Variants in OPRM1 observed in about 807,000 individuals in gnomAD.
The protein encoded by OPRM1 is mu-type opioid receptor.
Under a neutral mutation model 31.8 loss-of-function variants are expected in OPRM1, and 27 were observed. That is an observed-to-expected ratio of 0.85 (90% CI 0.63 to 1.17). The LOEUF (loss-of-function observed/expected upper bound fraction) is 1.17, where lower values mean the gene tolerates loss of function less well. Among genes scored for constraint, OPRM1 ranks in the 50% most tolerant of loss-of-function variants. OPRM1 has a pLI of 0.00. For missense variants in OPRM1, 536 were observed against 511.1 expected, an observed-to-expected ratio of 1.05 and a Z score of -0.47; for synonymous variants, 196 against 189.9, an observed-to-expected ratio of 1.03 and a Z score of -0.26.
intron 1 of OPRM1, among the ~76,000 whole-genome samples, chr6:154,071,524 C>T (rs981332377): frequency 5.3e-5 from 8 of 151,788 alleles, no homozygotes; most frequent in Admixed American, 2.6e-4. Flanking sequence ...TGCTCACCAG[C>T]GAAAACCCCC....
At chr6:154,210,683 G>A (rs1777887822) in intron 3 of OPRM1, among the ~76,000 whole-genome samples, 1 of 152,022 alleles carries the variant, frequency 6.6e-6, no homozygotes, top group African/African-American at 2.4e-5. Flanking sequence ...AAAAGGAGAA[G>A]GATTACACTG....
intron 3 of OPRM1, chr6:154,107,423 G>A (rs1214811098): frequency 5.6e-6 from 4 of 717,880 alleles, no homozygotes; most frequent in South Asian, 1.5e-5. Flanking sequence ...GAGAATAGAC[G>A]TCTTCACTCA....
chr6:154,165,746 TGCAAAA>T (rs1799376876), intron 3 of OPRM1, among the ~76,000 whole-genome samples: 2 of 152,366 alleles, frequency 1.3e-5, no homozygotes, highest in Admixed American at 1.3e-4. Flanking sequence ...AATAGAATAC[TGCAAAA>T]GTAATGTGAT....
intron 1 of OPRM1, among the ~76,000 whole-genome samples, chr6:154,051,371 G>A (rs888383389): frequency 1.4e-4 from 22 of 152,244 alleles, no homozygotes; most frequent in African/African-American, 4.6e-4. Context: ...ATTCCATCTG[G>A]AAAGTAAAAT....
At chr6:154,198,385 T>C (rs1776793280) in intron 3 of OPRM1, among the ~76,000 whole-genome samples, 2 of 152,160 alleles carry the variant, frequency 1.3e-5, no homozygotes, top group South Asian at 4.1e-4. Flanking sequence ...TCCTTTCTCC[T>C]CCCTATGCTA....
chr6:154,175,020 A>T (rs1360461270), intron 3 of OPRM1, among the ~76,000 whole-genome samples: 1 of 152,182 alleles, frequency 6.6e-6, no homozygotes, highest in Admixed American at 6.5e-5. Flanking sequence ...TAAGAAACTC[A>T]CTCCAAACTG....
At position 154,079,766 on chromosome 6, in the gene OPRM1, G is replaced by A. The variant is rs146289064; in HGVS notation, c.291-10060G>A. Among the ~76,000 whole-genome samples the A allele has an allele frequency of 5.3e-4, 80 of 152,268 alleles. 2 individuals carry two copies. The East Asian group carries it at 0.014, about 26-fold the overall frequency. ...GCTCTGTTGCCCAGGCTGGAGTGCA[G>A]TGGCATGACCGTAGCTCACTGCAGC... On this transcript the variant is annotated intron_variant, in intron 1 of 3. Transcript: ENST00000330432.
intron 3 of OPRM1, among the ~76,000 whole-genome samples, chr6:154,092,574 C>T (rs1279476882): frequency 6.6e-6 from 1 of 152,170 alleles, no homozygotes; most frequent in Non-Finnish European, 1.5e-5. Flanking sequence ...GATTGAGGAG[C>T]TAGGGGAGGC....
At position 154,107,716 on chromosome 6, in the gene OPRM1, G is replaced by A. The variant is rs1486132238; in HGVS notation, c.1165-10967G>A. ...TAAAAGGTCAAGCTCCCAAGGTGGA[G>A]AGACTTCATCCAGTTTTTTTGTTGG... On this transcript the variant is annotated intron_variant, in intron 3 of 3. Transcript: ENST00000330432. 3 of 718,444 alleles carry A rather than the reference G, an allele frequency of 4.2e-6. No homozygotes were observed. The African/African-American group carries it at 5.2e-5, about 13-fold the overall frequency. 44.5% of individuals were successfully genotyped at this position (718,444 alleles called of 1,614,324 possible).
At chr6:154,098,867 A>T (rs1432343508) in intron 3 of OPRM1, among the ~76,000 whole-genome samples, 10 of 152,184 alleles carry the variant, frequency 6.6e-5, no homozygotes, top group Admixed American at 6.6e-4. Context: ...TTCCCTGGAA[A>T]TCAAGAATCC....
At chr6:154,052,118 G>T (rs867274266) in intron 1 of OPRM1, among the ~76,000 whole-genome samples, 3 of 152,150 alleles carry the variant, frequency 2.0e-5, no homozygotes, top group Non-Finnish European at 2.9e-5. Context: ...ATAAGTGGGA[G>T]TTGAACAATG....
At chr6:154,114,717 T>C (rs1417199041) in intron 3 of OPRM1, among the ~76,000 whole-genome samples, 1 of 152,026 alleles carries the variant, frequency 6.6e-6, no homozygotes, top group Non-Finnish European at 1.5e-5. Context: ...CTAAATTCAG[T>C]TGGCATGATC....
At chr6:154,097,586 C>CCTGT (rs1554274451) in intron 3 of OPRM1, among the ~76,000 whole-genome samples, 3 of 149,612 alleles carry the variant, frequency 2.0e-5, no homozygotes, top group African/African-American at 7.4e-5. Flanking sequence ...AAAATGGTTC[C>CCTGT]GTGTGTGTGT....
At chr6:154,233,260 A>T (rs891169799) in intron 3 of OPRM1, among the ~76,000 whole-genome samples, 1 of 152,218 alleles carries the variant, frequency 6.6e-6, no homozygotes, top group East Asian at 1.9e-4. Flanking sequence ...GACTGAGTGC[A>T]TTGTAAGCTG....
rs116127220 is a variant in OPRM1, at chr6:154,076,226, C to A, written c.291-13600C>A. 3.3e-3 allele frequency among the ~76,000 whole-genome samples: 501 copies of A among 152,130 alleles called. 2 individuals are homozygous for A. Among genetic ancestry groups the A allele is most frequent in the African/African-American group, 0.012 (486 of 41,506 alleles). On this transcript the variant is annotated intron_variant, in intron 1 of 3. Transcript: ENST00000330432. Reference sequence around the variant, plus strand: ...TTTAATAACCTCAGAATAAGTAAGACCTTTACGAAAAACATGTACAAACAC... The same window carrying A: ...TTTAATAACCTCAGAATAAGTAAGAACTTTACGAAAAACATGTACAAACAC...
chr6:154,244,363 T>A (rs1281152649), intron 3 of OPRM1, among the ~76,000 whole-genome samples: 1 of 151,712 alleles, frequency 6.6e-6, no homozygotes, highest in Admixed American at 6.6e-5. Flanking sequence ...AGAATTCCCC[T>A]ACATACCATT....
chr6:154,081,996 A>C (rs1789276308), intron 1 of OPRM1, among the ~76,000 whole-genome samples: 1 of 152,088 alleles, frequency 6.6e-6, no homozygotes, highest in South Asian at 2.1e-4. Context: ...GTCTGCTATC[A>C]CCCCTCGTTC....
intron 1 of OPRM1, among the ~76,000 whole-genome samples, chr6:154,056,148 G>A (rs1383514386): frequency 6.6e-6 from 1 of 151,074 alleles, no homozygotes; most frequent in Non-Finnish European, 1.5e-5. Context: ...GTTTTGAGAC[G>A]GAGTCTTGCT....
At chr6:154,113,540 A>C (rs117058691) in intron 3 of OPRM1, among the ~76,000 whole-genome samples, 1,743 of 152,250 alleles carry the variant, frequency 0.011, 19 homozygotes, top group Middle Eastern at 0.031. Context: ...AGTACTTGTC[A>C]CCTGGACAGC....
Sources: allele counts gnomAD v4.1 joint callset (sites outside exome capture counted in the v4.1 genomes callset), GRCh38; gene constraint gnomAD v4.1.1; transcripts MANE v1.5; gene names NCBI Gene and HGNC (gene_info 2026-07-23, HGNC 2026-07-21).